The following NIPBL variants were observed in gnomAD, a reference collection of about 807,000 sequenced individuals.
The protein encoded by NIPBL is nipped-B-like protein.
In NIPBL, 19 loss-of-function variants were observed where a neutral mutation model predicts 321.8. The ratio of observed to expected loss-of-function variants is 0.06; its 90% CI spans 0.04 to 0.09. NIPBL has a LOEUF of 0.09. Among genes scored for constraint, NIPBL ranks in the 10% least tolerant of loss-of-function variants. NIPBL has a pLI of 1.00. For missense variants in NIPBL, 2,210 were observed against 3,327.0 expected (o/e 0.66, Z 8.26); for synonymous variants, 1,106 against 1,114.1 (o/e 0.99, Z 0.14).
intron 22 of NIPBL, among the ~76,000 whole-genome samples, chr5:37,015,533 C>T (rs1748854931): frequency 6.6e-6 from 1 of 152,082 alleles, no homozygotes; most frequent in African/African-American, 2.4e-5. Context: ...AGTTCGAGAC[C>T]AGCCTGACCA....
At chr5:37,006,675 G>A in intron 17 of NIPBL, 87 bp downstream of exon 17, 1 of 744,472 alleles carries the variant, frequency 1.3e-6, no homozygotes, top group Non-Finnish European at 2.3e-6. Flanking sequence ...CAAAATTTTT[G>A]AATCATATAA....
intron 33 of NIPBL, among the ~76,000 whole-genome samples, chr5:37,038,222 T>A (rs1489814504): frequency 6.6e-6 from 1 of 152,106 alleles, no homozygotes; most frequent in African/African-American, 2.4e-5. Context: ...ATTCCTAGAC[T>A]CAAACCTTCT....
chr5:36,907,512 T>C (rs1488988418), intron 1 of NIPBL, among the ~76,000 whole-genome samples: 2 of 152,170 alleles, frequency 1.3e-5, no homozygotes, highest in Admixed American at 6.5e-5. Flanking sequence ...ACTAAAGTTA[T>C]AGCTTCGGGA....
chr5:36,907,831 A>G (rs1358063205), intron 1 of NIPBL, among the ~76,000 whole-genome samples: 2 of 152,230 alleles, frequency 1.3e-5, no homozygotes, highest in Admixed American at 6.5e-5. Context: ...AATTTAAATG[A>G]AAATCATCAA....
intron 30 of NIPBL, among the ~76,000 whole-genome samples, chr5:37,025,972 A>G (rs1357887676): frequency 6.6e-6 from 1 of 152,156 alleles, no homozygotes; most frequent in East Asian, 1.9e-4. Flanking sequence ...ATTTGAGTGT[A>G]TAGTATGAAG....
chr5:37,032,893 T>C (rs993451499), intron 32 of NIPBL, among the ~76,000 whole-genome samples: 2 of 152,214 alleles, frequency 1.3e-5, no homozygotes, highest in African/African-American at 4.8e-5. Context: ...TAAGATGGTG[T>C]AAAAAATATA....
At chr5:36,889,878 A>G (rs1387917109) in intron 1 of NIPBL, among the ~76,000 whole-genome samples, 2 of 152,034 alleles carry the variant, frequency 1.3e-5, no homozygotes, top group Non-Finnish European at 2.9e-5. Context: ...AAAGTTGAAG[A>G]CTTTTCTTAA....
intron 1 of NIPBL, among the ~76,000 whole-genome samples, chr5:36,906,937 C>CT (rs1484390009): frequency 5.3e-5 from 8 of 152,174 alleles, no homozygotes; most frequent in African/African-American, 1.9e-4. Context: ...TACATTGTAA[C>CT]TTTAGACTTG....
intron 35 of NIPBL, 73 bp downstream of exon 35, chr5:37,044,560 C>T (rs1367084270): frequency 1.9e-6 from 3 of 1,576,294 alleles, no homozygotes; most frequent in East Asian, 4.6e-5. Context: ...ATTTTTAAAG[C>T]AAATATTTGT....
intron 9 of NIPBL, among the ~76,000 whole-genome samples, chr5:36,980,435 G>A (rs926164580): frequency 1.3e-5 from 2 of 151,564 alleles, no homozygotes; most frequent in South Asian, 2.1e-4. Flanking sequence ...TTATAGTCAC[G>A]TATCACATAA....
At chr5:36,971,127 A>G (rs1158415805) in intron 7 of NIPBL, 91 bp downstream of exon 7, 11 of 975,744 alleles carry the variant, frequency 1.1e-5, no homozygotes, top group Non-Finnish European at 1.8e-5. Context: ...AATGATACCT[A>G]CCGTATATCA....
intron 18 of NIPBL, 42 bp downstream of exon 18, chr5:37,007,516 A>G (rs1186554464): frequency 6.9e-7 from 1 of 1,446,786 alleles, no homozygotes; most frequent in Non-Finnish European, 9.7e-7. Context: ...TCTAAACTAA[A>G]TGATTAAGTC....
At chr5:36,973,350 AATTTT>A (rs761482150) in intron 8 of NIPBL, among the ~76,000 whole-genome samples, 118 of 151,912 alleles carry the variant, frequency 7.8e-4, no homozygotes, top group Admixed American at 1.6e-3. Context: ...ATTTTTTAAA[AATTTT>A]ATTTTATTTT....
intron 9 of NIPBL, among the ~76,000 whole-genome samples, chr5:36,984,461 A>G (rs1207237390): frequency 3.9e-5 from 6 of 152,228 alleles, no homozygotes; most frequent in Admixed American, 6.6e-5. Context: ...TCTTTTTACT[A>G]TATTTATTGA....
At chr5:36,931,741 T>A (rs1016641443) in intron 1 of NIPBL, among the ~76,000 whole-genome samples, 4 of 151,976 alleles carry the variant, frequency 2.6e-5, no homozygotes, top group African/African-American at 9.7e-5. Context: ...ATTTTGTTGA[T>A]TATTTTTTAA....
intron 1 of NIPBL, among the ~76,000 whole-genome samples, chr5:36,910,172 AT>A (rs1195272039): frequency 1.3e-5 from 2 of 152,180 alleles, no homozygotes; most frequent in African/African-American, 4.8e-5. Flanking sequence ...GACTTCTTAT[AT>A]TGTTGAAACA....
chr5:36,976,056 C>T lies in NIPBL; in HGVS notation c.1149C>T (p.Ser383=). ...QEDMISGVEN[S]NVSENDIPFN... ...ATATGATTTCTGGTGTGGAAAATAG[C>T]AATGTTTCAGAAAATGATATTCCTT... The change falls in exon 9 of 47, where the codon AGC becomes AGT. Residue 383 remains serine (S), a synonymous_variant. Transcript: ENST00000282516. The T allele has an allele frequency of 6.2e-7, 1 of 1,613,960 alleles. No homozygotes were observed. Among genetic ancestry groups the T allele is most frequent in the Non-Finnish European group, 8.5e-7 (1 of 1,179,900 alleles).
intron 1 of NIPBL, among the ~76,000 whole-genome samples, chr5:36,920,868 T>C: frequency 6.6e-6 from 1 of 151,876 alleles, no homozygotes; most frequent in African/African-American, 2.4e-5. Context: ...ACTCTCTCAT[T>C]CTCTCCTCTG....
intron 32 of NIPBL, among the ~76,000 whole-genome samples, chr5:37,028,199 G>A (rs1379629084): frequency 6.6e-6 from 1 of 151,470 alleles, no homozygotes; most frequent in East Asian, 1.9e-4. Context: ...TTTTATTTTA[G>A]AAAATTTCAC....
Sources: gnomAD v4.1 joint callset for allele counts (sites outside exome capture counted in the v4.1 genomes callset) on GRCh38, gnomAD v4.1.1 for gene constraint, MANE v1.5 for transcripts, NCBI Gene and HGNC (gene_info 2026-07-23, HGNC 2026-07-21) for gene names.